Variants in SYNPR observed in about 807,000 individuals in gnomAD.
SYNPR encodes the protein synaptoporin.
SYNPR carries 23 observed loss-of-function variants against 32.9 expected under a neutral mutation model. That is an observed-to-expected ratio of 0.70 (90% confidence interval 0.50 to 0.99). SYNPR has a LOEUF of 0.99. Among genes scored for constraint, SYNPR ranks in the 50% least tolerant of loss-of-function variants. The probability of loss-of-function intolerance (pLI) is 0.00; values close to 1 mark genes in which losing one functional copy is unlikely to be tolerated. For missense variants in SYNPR, 318 were observed against 349.3 expected, an observed-to-expected ratio of 0.91 and a Z score of 0.71; for synonymous variants, 146 against 135.9, an observed-to-expected ratio of 1.07 and a Z score of -0.52.
At chr3:63,489,917 G>C (rs1701228326) in intron 3 of SYNPR, among the ~76,000 whole-genome samples, 1 of 152,112 alleles carries the variant, frequency 6.6e-6, no homozygotes, top group Non-Finnish European at 1.5e-5. Flanking sequence ...CTGGAATCTG[G>C]GGGAATAAAG....
intron 2 of SYNPR, among the ~76,000 whole-genome samples, chr3:63,388,807 A>G (rs751969619): frequency 6.6e-6 from 1 of 152,110 alleles, no homozygotes; most frequent in Non-Finnish European, 1.5e-5. Flanking sequence ...ATGAGGCCCC[A>G]GAAATTATTA....
intron 1 of SYNPR, among the ~76,000 whole-genome samples, chr3:63,230,660 G>A (rs1303082966): frequency 6.6e-6 from 1 of 152,164 alleles, no homozygotes; most frequent in Non-Finnish European, 1.5e-5. Flanking sequence ...CGGGATTTGA[G>A]TAAAGACTTC....
chr3:63,258,070 G>C, intron 2 of SYNPR, among the ~76,000 whole-genome samples: 1 of 152,220 alleles, frequency 6.6e-6, no homozygotes, highest in African/African-American at 2.4e-5. Context: ...GATCCATAAA[G>C]CAAGTCCTTA....
chr3:63,386,701 GT>G (rs1180901663), intron 2 of SYNPR, among the ~76,000 whole-genome samples: 4 of 151,730 alleles, frequency 2.6e-5, no homozygotes, highest in African/African-American at 9.7e-5. Context: ...TCAGTTCTGG[GT>G]GAATGACCTC....
chr3:63,572,734 CA>C (rs1702910502), intron 4 of SYNPR, among the ~76,000 whole-genome samples: 1 of 152,168 alleles, frequency 6.6e-6, no homozygotes, highest in Non-Finnish European at 1.5e-5. Context: ...CAACCGAAGT[CA>C]AAGCCGATTT....
chr3:63,486,068 C>T (rs1701142957), intron 3 of SYNPR, among the ~76,000 whole-genome samples: 1 of 152,220 alleles, frequency 6.6e-6, no homozygotes, highest in South Asian at 2.1e-4. Flanking sequence ...ACCACCATGC[C>T]TGGCTAATTT....
chr3:63,360,661 T>C (rs188050928), intron 2 of SYNPR, among the ~76,000 whole-genome samples: 246 of 152,280 alleles, frequency 1.6e-3, no homozygotes, highest in Admixed American at 2.7e-3. Context: ...ACTAGTTCAT[T>C]TCCATCTTAG....
intron 2 of SYNPR, among the ~76,000 whole-genome samples, chr3:63,313,319 G>A (rs1051390782): frequency 2.0e-5 from 3 of 151,338 alleles, no homozygotes; most frequent in African/African-American, 4.9e-5. Flanking sequence ...CCCTTCACTC[G>A]AGCAGTATAC....
At chr3:63,262,422 T>A (rs540483112) in intron 2 of SYNPR, among the ~76,000 whole-genome samples, 1 of 152,164 alleles carries the variant, frequency 6.6e-6, no homozygotes, top group Non-Finnish European at 1.5e-5. Context: ...GAGGAAGTTA[T>A]CTAGTGGCTT....
intron 2 of SYNPR, among the ~76,000 whole-genome samples, chr3:63,414,961 C>T (rs2088520641): frequency 1.3e-5 from 2 of 152,186 alleles, no homozygotes; most frequent in African/African-American, 4.8e-5. Flanking sequence ...TGTGCTACTG[C>T]AGGCTTTTAC....
intron 3 of SYNPR, among the ~76,000 whole-genome samples, chr3:63,497,051 A>G (rs1262065705): frequency 6.6e-6 from 1 of 152,178 alleles, no homozygotes; most frequent in East Asian, 1.9e-4. Context: ...TCGGTTGTAC[A>G]GGAGTTTGCA....
rs772688987 is a variant in SYNPR, at chr3:63,312,360, C to G, written c.84+33618C>G. Among the ~76,000 whole-genome samples the G allele has an allele frequency of 1.6e-3, 243 of 152,034 alleles. 5 individuals are homozygous for G. Among genetic ancestry groups the G allele is most frequent in the Non-Finnish European group, 2.0e-3 (139 of 67,950 alleles). ...AAACTATAAATTCACAGCCTCCTAC[C>G]AGTTGGGACCTAGGTGCTGCTCAGC... On this transcript the variant is annotated intron_variant, in intron 2 of 5. Transcript: ENST00000478300.
intron 2 of SYNPR, among the ~76,000 whole-genome samples, chr3:63,297,027 A>G (rs1419849983): frequency 6.6e-6 from 1 of 152,220 alleles, no homozygotes; most frequent in East Asian, 1.9e-4. Context: ...ATTTTTAATA[A>G]TAAAATTAAA....
chr3:63,608,798 G>A (rs1378073834), intron 4 of SYNPR, among the ~76,000 whole-genome samples: 3 of 152,226 alleles, frequency 2.0e-5, no homozygotes, highest in Non-Finnish European at 4.4e-5. Flanking sequence ...CTCTATGTTA[G>A]TTTGACATCT....
At chr3:63,512,518 A>G (rs1328358416) in intron 3 of SYNPR, among the ~76,000 whole-genome samples, 1 of 152,206 alleles carries the variant, frequency 6.6e-6, no homozygotes, top group East Asian at 1.9e-4. Context: ...GTGAGCTCAA[A>G]GTAATCACAA....
chr3:63,423,355 G>A lies in SYNPR; in HGVS notation c.85-57477G>A, dbSNP rs567676216. Among the ~76,000 whole-genome samples, 3 of 152,270 alleles carry A rather than the reference G, an allele frequency of 2.0e-5. No individual in the cohort carries two copies. The South Asian group carries it at 6.2e-4, about 32-fold the overall frequency. ...CACACACATAGAAACTAATACTATGGCACCAGCTTTTGAGAAAAGAAAGGC... is the reference window on the plus strand; with the variant it reads ...CACACACATAGAAACTAATACTATGACACCAGCTTTTGAGAAAAGAAAGGC... On this transcript the variant is annotated intron_variant, in intron 2 of 5. Transcript: ENST00000478300.
chr3:63,506,005 A>AT (rs1276456134), intron 3 of SYNPR, among the ~76,000 whole-genome samples: 4 of 151,362 alleles, frequency 2.6e-5, no homozygotes, highest in Non-Finnish European at 5.9e-5. Flanking sequence ...GACTTATTTC[A>AT]TTTTTTTCTG....
chr3:63,485,786 A>T (rs909276371), intron 3 of SYNPR, among the ~76,000 whole-genome samples: 1 of 152,214 alleles, frequency 6.6e-6, no homozygotes, highest in African/African-American at 2.4e-5. Context: ...CTAATAAAAA[A>T]GATTTTCAGT....
intron 3 of SYNPR, among the ~76,000 whole-genome samples, chr3:63,524,631 G>A (rs1398582708): frequency 1.3e-5 from 2 of 152,076 alleles, no homozygotes; most frequent in Non-Finnish European, 2.9e-5. Flanking sequence ...ATAGCAGTCT[G>A]GGAAAGCCAT....
Sources: allele counts gnomAD v4.1 joint callset (sites outside exome capture counted in the v4.1 genomes callset), GRCh38; gene constraint gnomAD v4.1.1; transcripts MANE v1.5; gene names NCBI Gene and HGNC (gene_info 2026-07-23, HGNC 2026-07-21).